The following LRRC7 variants were observed in gnomAD, a reference collection of about 807,000 sequenced individuals.
The protein encoded by LRRC7 is leucine rich repeat containing 7.
LRRC7 carries 23 observed loss-of-function variants against 175.7 expected under a neutral mutation model. That is an observed-to-expected ratio of 0.13 (90% CI 0.09 to 0.19). The LOEUF is 0.19. Among genes scored for constraint, LRRC7 ranks in the 10% least tolerant of loss-of-function variants. The pLI is 1.00. For synonymous variants in LRRC7, 685 were observed against 680.9 expected (o/e 1.01, Z -0.09); for missense variants, 1,354 against 1,904.7 (o/e 0.71, Z 5.38).
chr1:69,901,992 T>G (rs1204304920), intron 7 of LRRC7, among the ~76,000 whole-genome samples: 1 of 152,180 alleles, frequency 6.6e-6, no homozygotes, highest in Non-Finnish European at 1.5e-5. Context: ...CATAATAATT[T>G]AATATCTAAA....
At chr1:70,084,685 T>C (rs1663469475) in intron 24 of LRRC7, among the ~76,000 whole-genome samples, 1 of 152,174 alleles carries the variant, frequency 6.6e-6, no homozygotes, top group Non-Finnish European at 1.5e-5. Context: ...ATGAAATTGC[T>C]GAGTCATATG....
intron 25 of LRRC7, among the ~76,000 whole-genome samples, chr1:70,096,165 T>TG (rs1664377877): frequency 6.6e-6 from 1 of 152,034 alleles, no homozygotes; most frequent in Non-Finnish European, 1.5e-5. Flanking sequence ...TTAGTAGAGA[T>TG]GGGGTTTCAC....
intron 23 of LRRC7, among the ~76,000 whole-genome samples, chr1:70,070,224 G>A (rs1479688222): frequency 6.6e-6 from 1 of 151,958 alleles, no homozygotes; most frequent in Non-Finnish European, 1.5e-5. Context: ...TGAACTCCTG[G>A]CCTCAACTGA....
At chr1:69,662,676 T>A (rs1461564250) in intron 1 of LRRC7, among the ~76,000 whole-genome samples, 14 of 152,238 alleles carry the variant, frequency 9.2e-5, no homozygotes, top group Non-Finnish European at 7.3e-5. Flanking sequence ...TTATTAACTA[T>A]CAACTCAACA....
At chr1:69,593,276 A>G (rs1479362107) in intron 1 of LRRC7, among the ~76,000 whole-genome samples, 2 of 152,162 alleles carry the variant, frequency 1.3e-5, no homozygotes, top group African/African-American at 4.8e-5. Flanking sequence ...CGTGAAAAAT[A>G]AAGTAAGGTC....
chr1:69,954,093 A>G (rs1317401194), intron 8 of LRRC7, among the ~76,000 whole-genome samples: 1 of 151,962 alleles, frequency 6.6e-6, no homozygotes, highest in Non-Finnish European at 1.5e-5. Context: ...GTCTACGTTA[A>G]TGGGGTGACT....
chr1:69,845,410 T>C (rs1682242705), intron 7 of LRRC7, among the ~76,000 whole-genome samples: 1 of 152,146 alleles, frequency 6.6e-6, no homozygotes, highest in African/African-American at 2.4e-5. Flanking sequence ...TCTAAACTAT[T>C]CATTTCCAAA....
chr1:69,736,056 CATT>C (rs1220949494), intron 2 of LRRC7, among the ~76,000 whole-genome samples: 1 of 152,062 alleles, frequency 6.6e-6, no homozygotes, highest in Non-Finnish European at 1.5e-5. Context: ...CATTTAGTAA[CATT>C]AGCATTGTTC....
At chr1:69,777,104 A>T (rs748473305) in intron 3 of LRRC7, among the ~76,000 whole-genome samples, 1 of 152,132 alleles carries the variant, frequency 6.6e-6, no homozygotes, top group Non-Finnish European at 1.5e-5. Flanking sequence ...AATATTAATG[A>T]TATTTCCTTC....
At chr1:69,875,153 A>G (rs1685930559) in intron 7 of LRRC7, 1 of 152,170 alleles carries the variant, frequency 6.6e-6, no homozygotes, top group Non-Finnish European at 1.5e-5. Flanking sequence ...AAAACATTCT[A>G]TGTGAAAGTA....
At chr1:69,781,329 A>T (rs570339249) in intron 3 of LRRC7, among the ~76,000 whole-genome samples, 51 of 151,884 alleles carry the variant, frequency 3.4e-4, no homozygotes, top group African/African-American at 1.2e-3. Flanking sequence ...GTCAGTTCTC[A>T]CCATTATCTT....
chr1:69,935,468 T>TA (rs1309767775), intron 8 of LRRC7, among the ~76,000 whole-genome samples: 2 of 152,168 alleles, frequency 1.3e-5, no homozygotes, highest in Admixed American at 1.3e-4. Context: ...CTAGATTCCT[T>TA]ATAGGCATTG....
intron 1 of LRRC7, among the ~76,000 whole-genome samples, chr1:69,578,744 A>G (rs1249966899): frequency 7.0e-6 from 1 of 143,510 alleles, no homozygotes; most frequent in Non-Finnish European, 1.5e-5. Flanking sequence ...TTGAACAATG[A>G]GAACACATGG....
intron 3 of LRRC7, among the ~76,000 whole-genome samples, chr1:69,774,628 T>C (rs896015611): frequency 1.3e-5 from 2 of 152,202 alleles, no homozygotes; most frequent in Non-Finnish European, 2.9e-5. Context: ...TTCTGTAACA[T>C]CATGTTACAT....
chr1:69,857,159 A>G (rs1435615255), intron 7 of LRRC7, among the ~76,000 whole-genome samples: 1 of 152,178 alleles, frequency 6.6e-6, no homozygotes. Flanking sequence ...CCAATAACAT[A>G]CTGAATGGGC....
chr1:69,569,079 ACACACT>A (rs1348837338), intron 1 of LRRC7, among the ~76,000 whole-genome samples: 6 of 152,086 alleles, frequency 3.9e-5, no homozygotes, highest in South Asian at 2.1e-4. Context: ...ACACACACAC[ACACACT>A]CACACACACT....
At chr1:69,624,674 G>A (rs1230698180) in intron 1 of LRRC7, among the ~76,000 whole-genome samples, 3 of 151,726 alleles carry the variant, frequency 2.0e-5, no homozygotes, top group African/African-American at 4.8e-5. Flanking sequence ...TTTTACTTTT[G>A]TATATGTCAT....
intron 8 of LRRC7, among the ~76,000 whole-genome samples, chr1:69,934,494 CGGGGG>C (rs573858643): frequency 0.012 from 536 of 46,548 alleles, 7 homozygotes; most frequent in Admixed American, 0.02. Flanking sequence ...GATATTTTGG[CGGGGG>C]GGGGGCGGGG....
chr1:69,788,042 G>A (rs956437172), intron 3 of LRRC7, among the ~76,000 whole-genome samples: 2 of 151,358 alleles, frequency 1.3e-5, no homozygotes, highest in Non-Finnish European at 2.9e-5. Flanking sequence ...TCAAAGCCAA[G>A]GCTGAGAAAT....
Sources: gnomAD v4.1 joint callset for allele counts (sites outside exome capture counted in the v4.1 genomes callset) on GRCh38, gnomAD v4.1.1 for gene constraint, MANE v1.5 for transcripts, NCBI Gene and HGNC (gene_info 2026-07-23, HGNC 2026-07-21) for gene names.